Variants in RAVER2 observed in about 807,000 individuals in gnomAD.
The protein encoded by RAVER2 is ribonucleoprotein PTB-binding 2.
RAVER2 carries 46 observed loss-of-function variants against 78.1 expected under a neutral mutation model. That is an observed-to-expected ratio of 0.59 (90% CI 0.46 to 0.75). The LOEUF (loss-of-function observed/expected upper bound fraction) is 0.75. RAVER2 is among the 30% of genes least tolerant of loss of function. RAVER2 has a pLI of 0.00. For missense variants in RAVER2, 793 were observed against 837.5 expected (o/e 0.95, Z 0.66); for synonymous variants, 311 against 313.3 (o/e 0.99, Z 0.08).
At chr1:64,777,660 C>T (rs369492949) in exon 3 of RAVER2, 119 of 1,613,524 alleles carry the variant, frequency 7.4e-5, no homozygotes, top group Middle Eastern at 3.3e-4. Context: ...AAGCCCAGAA[C>T]GCAATTCAGA....
intron 1 of RAVER2, among the ~76,000 whole-genome samples, chr1:64,765,299 A>G (rs1652144931): frequency 6.6e-6 from 1 of 152,238 alleles, no homozygotes; most frequent in Non-Finnish European, 1.5e-5. Flanking sequence ...GAAATTTACA[A>G]GAATGTTATG....
intron 2 of RAVER2, among the ~76,000 whole-genome samples, chr1:64,774,712 G>A (rs1312547839): frequency 1.1e-4 from 16 of 152,202 alleles, no homozygotes; most frequent in African/African-American, 3.6e-4. Context: ...ATTCTGTGAA[G>A]AAAGTCATTG....
chr1:64,816,704 T>C (rs551489097), intron 11 of RAVER2, among the ~76,000 whole-genome samples: 1 of 152,294 alleles, frequency 6.6e-6, no homozygotes, highest in African/African-American at 2.4e-5. Flanking sequence ...TAGCCATATG[T>C]AGAAAGCTGA....
rs1204915751 is a variant in RAVER2, at chr1:64,777,713, A to C, written c.407A>C (p.Gln136Pro). Residue 136 changes from glutamine to proline, a missense_variant, in exon 3 of 12, where the codon CAG becomes CCG. Transcript: ENST00000294428. ...TTTAGAGGAAAAGACTTAATAGTCC[A>C]GCTTCAGCCAACAGATGCTTTGTTG... The C allele has an allele frequency of 1.1e-5, 18 of 1,614,084 alleles. No individual in the cohort carries two copies. In the South Asian group the frequency reaches 2.0e-4, roughly 18 times the overall value.
At chr1:64,759,193 TTTTTATTTTTATTTTTATTTA>T (rs1378510914) in intron 1 of RAVER2, among the ~76,000 whole-genome samples, 3 of 151,454 alleles carry the variant, frequency 2.0e-5, no homozygotes, top group South Asian at 2.1e-4. Flanking sequence ...GGTTTTTTAT[TTTTTATTTTTATTTTTATTTA>T]TTTTATTTTT....
At chr1:64,829,403 G>A (rs570226812) in intron 11 of RAVER2, among the ~76,000 whole-genome samples, 4 of 152,180 alleles carry the variant, frequency 2.6e-5, no homozygotes, top group Admixed American at 6.5e-5. Flanking sequence ...TATACCTGAA[G>A]TAAGGTCTGA....
At chr1:64,823,802 ATTTTTTT>A (rs759134955) in intron 11 of RAVER2, among the ~76,000 whole-genome samples, 4 of 122,846 alleles carry the variant, frequency 3.3e-5, no homozygotes, top group Non-Finnish European at 6.7e-5. Context: ...GTAAGTTGTG[ATTTTTTT>A]TTTTTTTTTT....
At chr1:64,813,102 T>C (rs899908866) in intron 10 of RAVER2, among the ~76,000 whole-genome samples, 11 of 152,236 alleles carry the variant, frequency 7.2e-5, no homozygotes, top group African/African-American at 2.2e-4. Context: ...AGTAATCTTA[T>C]ATATCTTGAG....
At chr1:64,781,609 T>C (rs1208837533) in intron 4 of RAVER2, 38 bp downstream of exon 4, 4 of 1,564,964 alleles carry the variant, frequency 2.6e-6, no homozygotes, top group Non-Finnish European at 3.5e-6. Flanking sequence ...TTTTAGAGTA[T>C]AGAAAATTCT....
chr1:64,758,008 A>G (rs1414189612), intron 1 of RAVER2, among the ~76,000 whole-genome samples: 4 of 151,906 alleles, frequency 2.6e-5, no homozygotes, highest in Non-Finnish European at 5.9e-5. Flanking sequence ...ACAGATACCC[A>G]CTTCACCCAA....
At chr1:64,814,959 AT>A in intron 11 of RAVER2, 119 bp downstream of exon 11, 1 of 871,532 alleles carries the variant, frequency 1.1e-6, no homozygotes, top group Non-Finnish European at 1.6e-6. Flanking sequence ...AATTGCACTG[AT>A]CTATGTATTT....
intron 1 of RAVER2, among the ~76,000 whole-genome samples, chr1:64,750,030 A>G (rs1432172973): frequency 1.3e-5 from 2 of 152,194 alleles, no homozygotes; most frequent in African/African-American, 4.8e-5. Flanking sequence ...AAATTAGAAG[A>G]CAATGTGAAG....
chr1:64,772,455 A>T (rs1374259683), intron 2 of RAVER2, among the ~76,000 whole-genome samples: 1 of 152,152 alleles, frequency 6.6e-6, no homozygotes, highest in Non-Finnish European at 1.5e-5. Context: ...ATGCACCATG[A>T]TAGTTGGTGG....
chr1:64,811,880 C>A (rs1053706328), intron 9 of RAVER2, among the ~76,000 whole-genome samples: 1 of 152,184 alleles, frequency 6.6e-6, no homozygotes, highest in African/African-American at 2.4e-5. Context: ...CTAACTAATA[C>A]ATAAAAATAT....
At chr1:64,784,572 A>G (rs1336678833) in intron 4 of RAVER2, among the ~76,000 whole-genome samples, 1 of 152,152 alleles carries the variant, frequency 6.6e-6, no homozygotes, top group Non-Finnish European at 1.5e-5. Flanking sequence ...ACTTCCAAGC[A>G]TATAATTTCA....
intron 9 of RAVER2, among the ~76,000 whole-genome samples, chr1:64,810,220 A>G (rs914354725): frequency 6.6e-6 from 1 of 152,196 alleles, no homozygotes; most frequent in African/African-American, 2.4e-5. Context: ...CTAATTTTCC[A>G]ACATCCTTGC....
intron 11 of RAVER2, among the ~76,000 whole-genome samples, chr1:64,825,380 G>A (rs2100903120): frequency 6.6e-6 from 1 of 152,290 alleles, no homozygotes; most frequent in South Asian, 2.1e-4. Flanking sequence ...GAAGAGACAA[G>A]ACTTAGAAAA....
chr1:64,782,886 C>A (rs1185978755), intron 4 of RAVER2, among the ~76,000 whole-genome samples: 6 of 152,180 alleles, frequency 3.9e-5, no homozygotes, highest in African/African-American at 1.4e-4. Context: ...CCCCAGCCCC[C>A]TACCCCGCGA....
chr1:64,778,077 A>T lies in RAVER2; in HGVS notation c.771A>T (p.Lys257Asn), dbSNP rs750762997. The T allele has an allele frequency of 5.6e-6, 9 of 1,606,178 alleles. No individual in the cohort carries two copies. The South Asian group carries it at 7.8e-5, about 14-fold the overall frequency. ...TGCAAATTTTTTCCAGTGTCCATAA[A>T]CCTGTGTTTTGCCAGGTATGTATTT... The change falls in exon 3 of 12, where the codon AAA becomes AAT. Residue 257 changes from lysine to asparagine, a missense_variant. Coordinates refer to ENST00000294428, the Ensembl canonical transcript of RAVER2.
Sources: gnomAD v4.1 joint callset for allele counts (sites outside exome capture counted in the v4.1 genomes callset) on GRCh38, gnomAD v4.1.1 for gene constraint, MANE v1.5 for transcripts, NCBI Gene and HGNC (gene_info 2026-07-23, HGNC 2026-07-21) for gene names.